The following SPRY3 variants were observed in gnomAD, a reference collection of about 807,000 sequenced individuals.
The protein encoded by SPRY3 is protein sprouty homolog 3.
In SPRY3, 15 loss-of-function variants were observed where a neutral mutation model predicts 20.2. That is an observed-to-expected ratio of 0.74 (90% CI 0.50 to 1.14). The LOEUF is 1.14. Among genes scored for constraint, SPRY3 ranks in the 50% most tolerant of loss-of-function variants. The probability of loss-of-function intolerance (pLI) is 0.00; values close to 1 mark genes in which losing one functional copy is unlikely to be tolerated. For missense variants in SPRY3, 364 were observed against 363.9 expected (o/e 1.00, Z 0.00); for synonymous variants, 143 against 136.5 (o/e 1.05, Z -0.33).
At chrX:155,736,101 C>G (rs1228982325) in intron 2 of SPRY3, among the ~76,000 whole-genome samples, 1 of 151,924 alleles carries the variant, frequency 6.6e-6, no homozygotes, top group Admixed American at 6.6e-5. Context: ...AAAAATATTC[C>G]TAGTTCCTCT....
downstream of SPRY3, chrX:155,780,992 C>T (rs188118050): frequency 2.1e-5 from 3 of 145,138 alleles, no homozygotes; most frequent in East Asian, 7.3e-4. Flanking sequence ...TTGTCCTTGA[C>T]TTATATCAAC....
chrX:155,635,125 G>A (rs1238108435), intron 1 of SPRY3, among the ~76,000 whole-genome samples: 1 of 109,955 alleles, frequency 9.1e-6, no homozygotes, highest in Non-Finnish European at 1.9e-5. Context: ...TTATGAGTGA[G>A]AACATGTTGT....
chrX:155,734,687 C>T (rs1322938596), intron 2 of SPRY3, among the ~76,000 whole-genome samples: 1 of 151,832 alleles, frequency 6.6e-6, no homozygotes, highest in Admixed American at 6.6e-5. Flanking sequence ...CTGCAAAGCA[C>T]ATTAATCCAA....
At chrX:155,654,921 C>T (rs1174182577) in intron 1 of SPRY3, among the ~76,000 whole-genome samples, 6 of 110,912 alleles carry the variant, frequency 5.4e-5, no homozygotes, top group African/African-American at 2.0e-4. Context: ...TTCTATTTTT[C>T]GTTCTTTGAG....
intron 2 of SPRY3, chrX:155,767,697 G>C (rs1374346783): frequency 1.5e-5 from 2 of 137,476 alleles, no homozygotes; most frequent in Non-Finnish European, 3.2e-5. Context: ...CGGAGGAGGA[G>C]GAGAAAGAAG....
chrX:155,769,699 A>T (rs1160532868), intron 3 of SPRY3, among the ~76,000 whole-genome samples: 1 of 152,100 alleles, frequency 6.6e-6, no homozygotes, highest in Non-Finnish European at 1.5e-5. Context: ...AAACTGCAAG[A>T]CTCCCTGGTT....
chrX:155,770,623 G>T (rs751903429), intron 3 of SPRY3, among the ~76,000 whole-genome samples: 5 of 123,438 alleles, frequency 4.1e-5, no homozygotes, highest in African/African-American at 1.2e-4. Flanking sequence ...TATGTGATGT[G>T]TACATTCTCT....
At chrX:155,774,212 G>T (rs150318681) in exon 4 of SPRY3, 1 of 1,613,938 alleles carries the variant, frequency 6.2e-7, no homozygotes, top group African/African-American at 1.3e-5. Context: ...TCCATCATCC[G>T]AACCCAACCT....
intron 2 of SPRY3, among the ~76,000 whole-genome samples, chrX:155,762,557 A>C (rs1465471314): frequency 1.3e-5 from 2 of 152,212 alleles, no homozygotes; most frequent in Admixed American, 6.5e-5. Context: ...CTAAAGCTTC[A>C]AACTTGTGTA....
intron 2 of SPRY3, among the ~76,000 whole-genome samples, chrX:155,691,567 G>T (rs763625040): frequency 1.1e-5 from 1 of 87,786 alleles, no homozygotes; most frequent in Non-Finnish European, 2.1e-5. Flanking sequence ...AGTCATATTT[G>T]CTCCAGCCTC....
At position 155,773,806 on chromosome X, in the gene SPRY3, C is replaced by T. The variant is rs1339266448; in HGVS notation, c.-66C>T. Reference sequence around the variant, plus strand: ...CCTGAAATCCATGTAACTACAAGGGCTCCTCTTTATCACCATAAGTGCCAC... The same window carrying T: ...CCTGAAATCCATGTAACTACAAGGGTTCCTCTTTATCACCATAAGTGCCAC... On this transcript the variant is annotated 5_prime_UTR_variant, in exon 4 of 4. Coordinates refer to ENST00000675360, the Ensembl canonical transcript of SPRY3. The T allele has an allele frequency of 3.9e-6, 6 of 1,540,084 alleles. No individual in the cohort carries two copies. The African/African-American group carries it at 5.5e-5, about 14-fold the overall frequency.
chrX:155,767,036 G>A (rs1026259137), intron 2 of SPRY3, among the ~76,000 whole-genome samples: 2 of 152,074 alleles, frequency 1.3e-5, no homozygotes, highest in Non-Finnish European at 2.9e-5. Context: ...ATATTTAAAT[G>A]AGACCTCCTT....
chrX:155,615,867 T>A (rs1212247534), intron 1 of SPRY3, among the ~76,000 whole-genome samples: 1 of 111,072 alleles, frequency 9.0e-6, no homozygotes, highest in East Asian at 2.8e-4. Context: ...GAAGTATTAA[T>A]TAGGACTCAT....
At chrX:155,703,984 T>C (rs2090929843) in intron 2 of SPRY3, among the ~76,000 whole-genome samples, 1 of 151,912 alleles carries the variant, frequency 6.6e-6, no homozygotes, top group Non-Finnish European at 1.5e-5. Context: ...AACTACTAAC[T>C]GTAATAATGC....
intron 2 of SPRY3, among the ~76,000 whole-genome samples, chrX:155,714,457 G>T (rs2091007571): frequency 6.6e-6 from 1 of 152,190 alleles, no homozygotes. Context: ...AGATCTGGAA[G>T]AATTATCTGT....
chrX:155,646,126 T>C (rs1331121249), intron 1 of SPRY3, among the ~76,000 whole-genome samples: 1 of 112,501 alleles, frequency 8.9e-6, no homozygotes, highest in Non-Finnish European at 1.9e-5. Flanking sequence ...TGTTTATTTC[T>C]GGGCTTCTTA....
At chrX:155,723,093 C>A (rs1237353174) in intron 2 of SPRY3, among the ~76,000 whole-genome samples, 3 of 152,124 alleles carry the variant, frequency 2.0e-5, no homozygotes, top group African/African-American at 4.8e-5. Context: ...TCATCCACGT[C>A]CCTGAAAAGG....
chrX:155,617,843 T>C (rs2067859101), intron 1 of SPRY3, among the ~76,000 whole-genome samples: 1 of 111,890 alleles, frequency 8.9e-6, no homozygotes, highest in Admixed American at 9.5e-5. Context: ...TATATTATGG[T>C]CATATATTTC....
chrX:155,624,557 TATC>T (rs1406445906), intron 1 of SPRY3, among the ~76,000 whole-genome samples: 4 of 101,883 alleles, frequency 3.9e-5, no homozygotes, highest in East Asian at 3.1e-4. Context: ...TCTATCTATC[TATC>T]ATCTATCATC....
Sources: gnomAD v4.1 joint callset for allele counts (sites outside exome capture counted in the v4.1 genomes callset) on GRCh38, gnomAD v4.1.1 for gene constraint, MANE v1.5 for transcripts, NCBI Gene and HGNC (gene_info 2026-07-23, HGNC 2026-07-21) for gene names.